The following MGAT4C variants were observed in gnomAD, a reference collection of about 807,000 sequenced individuals.
MGAT4C encodes the protein MGAT4 family member C.
Under a neutral mutation model 40.1 loss-of-function variants are expected in MGAT4C, and 19 were observed. The observed-to-expected ratio is 0.47, with a 90% CI of 0.33 to 0.70. The LOEUF is 0.70. Ranked by LOEUF, MGAT4C falls within the 30% of genes least tolerant of loss-of-function variation. The pLI is 0.02. For synonymous variants in MGAT4C, 181 were observed against 187.1 expected (o/e 0.97, Z 0.27); for missense variants, 491 against 563.2 (o/e 0.87, Z 1.30).
At chr12:86,634,673 T>C (rs906501152) in intron 2 of MGAT4C, among the ~76,000 whole-genome samples, 8 of 152,094 alleles carry the variant, frequency 5.3e-5, no homozygotes, top group Admixed American at 4.6e-4. Flanking sequence ...AAACATCCTA[T>C]AATTCCCTGC....
Position 86,326,296 on chromosome 12 carries a change from T to TCACACA in MGAT4C, c.-57+7763_-57+7768dup, listed in dbSNP as rs3047013. 6.0e-3 allele frequency among the ~76,000 whole-genome samples: 840 copies of TCACACA among 140,836 alleles called. 4 individuals are homozygous for TCACACA. Among genetic ancestry groups the TCACACA allele is most frequent in the African/African-American group, 0.02 (763 of 38,858 alleles). The allele number at this position is 140,836 out of a possible 152,430, so 92.4% of individuals were successfully genotyped here. On this transcript the variant is annotated intron_variant, in intron 4 of 7. Coordinates refer to the MGAT4C transcript ENST00000548651. ...AGAGGGTAGATCTGCAGTATTCTCA[T>TCACACA]CACACACACACACACACACACACAC...
At chr12:86,540,563 C>G (rs1959157730) in intron 2 of MGAT4C, among the ~76,000 whole-genome samples, 2 of 152,078 alleles carry the variant, frequency 1.3e-5, no homozygotes, top group South Asian at 4.1e-4. Flanking sequence ...TAGTGAAACC[C>G]TGTCTCTACT....
At chr12:86,170,852 C>T (rs1234860889) in intron 1 of MGAT4C, among the ~76,000 whole-genome samples, 4 of 151,938 alleles carry the variant, frequency 2.6e-5, no homozygotes, top group Admixed American at 6.6e-5. Context: ...ACTAGAGAGG[C>T]TGAGGTCGGA....
chr12:86,623,466 C>A (rs1227799507), intron 2 of MGAT4C, among the ~76,000 whole-genome samples: 2 of 151,758 alleles, frequency 1.3e-5, no homozygotes, highest in Non-Finnish European at 2.9e-5. Context: ...TATCAATGAA[C>A]AAAGATATAA....
chr12:86,291,007 T>C (rs191696812), intron 4 of MGAT4C, among the ~76,000 whole-genome samples: 4 of 152,182 alleles, frequency 2.6e-5, no homozygotes, highest in Admixed American at 1.3e-4. Context: ...CCCAGAGAAA[T>C]TGGGTCAGCT....
intron 2 of MGAT4C, among the ~76,000 whole-genome samples, chr12:86,686,061 A>C (rs935664593): frequency 6.0e-5 from 9 of 150,216 alleles, no homozygotes; most frequent in Non-Finnish European, 1.0e-4. Context: ...TTGTATTTTT[A>C]GTAGAGAACA....
At chr12:86,570,671 A>G (rs1960324964) in intron 2 of MGAT4C, among the ~76,000 whole-genome samples, 1 of 152,186 alleles carries the variant, frequency 6.6e-6, no homozygotes, top group Non-Finnish European at 1.5e-5. Context: ...CTTCAGGACA[A>G]TGGTCTAGGC....
chr12:86,277,941 G>C (rs1953116861), intron 4 of MGAT4C, among the ~76,000 whole-genome samples: 1 of 151,948 alleles, frequency 6.6e-6, no homozygotes, highest in East Asian at 1.9e-4. Flanking sequence ...GCATGTCATT[G>C]GCATTTTAAT....
At chr12:86,052,957 C>T (rs1440960840) in intron 1 of MGAT4C, among the ~76,000 whole-genome samples, 4 of 151,866 alleles carry the variant, frequency 2.6e-5, no homozygotes, top group South Asian at 2.1e-4. Flanking sequence ...GAAATGCAAA[C>T]GGCAGCAAAG....
intron 2 of MGAT4C, among the ~76,000 whole-genome samples, chr12:86,561,044 A>G (rs1241292048): frequency 6.6e-6 from 1 of 152,188 alleles, no homozygotes; most frequent in African/African-American, 2.4e-5. Flanking sequence ...ACTTTCATTT[A>G]AAGTAGTTCA....
At position 86,280,073 on chromosome 12, in the gene MGAT4C, T is replaced by C. The variant is rs548808654; in HGVS notation, c.-57+53992A>G. Reference sequence around the variant, plus strand: ...ATGGTCTAACATTGAGAATGATCTATGTGCTTAGGAGAAGAATGGGTATTC... The same window carrying C: ...ATGGTCTAACATTGAGAATGATCTACGTGCTTAGGAGAAGAATGGGTATTC... On this transcript the variant is annotated intron_variant, in intron 4 of 7. Transcript: ENST00000548651. 2.4e-4 allele frequency among the ~76,000 whole-genome samples: 36 copies of C among 152,232 alleles called. No individual in the cohort carries two copies. The East Asian group carries it at 5.2e-3, about 22-fold the overall frequency.
chr12:86,721,955 A>G (rs910677812), intron 2 of MGAT4C, among the ~76,000 whole-genome samples: 2 of 152,150 alleles, frequency 1.3e-5, no homozygotes, highest in Middle Eastern at 3.2e-3. Context: ...ATGTCATTCA[A>G]TGATAGAACT....
chr12:86,786,913 C>T (rs973835995), intron 1 of MGAT4C, among the ~76,000 whole-genome samples: 1 of 152,036 alleles, frequency 6.6e-6, no homozygotes, highest in African/African-American at 2.4e-5. Context: ...TTGTATTGAA[C>T]TGAATTAAAT....
At chr12:86,723,715 C>A (rs1414520409) in intron 2 of MGAT4C, among the ~76,000 whole-genome samples, 1 of 152,092 alleles carries the variant, frequency 6.6e-6, no homozygotes, top group Non-Finnish European at 1.5e-5. Flanking sequence ...GGGGGGGACA[C>A]AAGTCAATCC....
intron 4 of MGAT4C, among the ~76,000 whole-genome samples, chr12:86,303,903 C>T (rs749789298): frequency 6.6e-6 from 1 of 150,424 alleles, no homozygotes; most frequent in Admixed American, 6.6e-5. Flanking sequence ...GTCTGTGTGT[C>T]TCTTTCTCTC....
chr12:86,265,240 G>T (rs1433174481), intron 4 of MGAT4C, among the ~76,000 whole-genome samples: 1 of 152,130 alleles, frequency 6.6e-6, no homozygotes, highest in Non-Finnish European at 1.5e-5. Context: ...CGAGCCAAGC[G>T]CAGCCTGCCA....
chr12:86,096,376 ATTTT>A (rs943438788), intron 1 of MGAT4C, among the ~76,000 whole-genome samples: 20 of 149,530 alleles, frequency 1.3e-4, no homozygotes, highest in African/African-American at 4.4e-4. Flanking sequence ...TATCTTCTAT[ATTTT>A]TTACTTCTTG....
At chr12:86,509,653 G>C (rs983160326) in intron 2 of MGAT4C, among the ~76,000 whole-genome samples, 23 of 152,192 alleles carry the variant, frequency 1.5e-4, no homozygotes, top group African/African-American at 5.5e-4. Flanking sequence ...ACCTTGGGCA[G>C]TATGGCCATT....
chr12:86,826,279 A>G (rs952558103), intron 1 of MGAT4C, among the ~76,000 whole-genome samples: 2 of 151,382 alleles, frequency 1.3e-5, no homozygotes, highest in African/African-American at 4.8e-5. Context: ...TAGAGTTTTC[A>G]TGATGCTACT....
Sources: gnomAD v4.1 joint callset for allele counts (sites outside exome capture counted in the v4.1 genomes callset) on GRCh38, gnomAD v4.1.1 for gene constraint, MANE v1.5 for transcripts, NCBI Gene and HGNC (gene_info 2026-07-23, HGNC 2026-07-21) for gene names.